The following DMXL2 variants were observed in gnomAD, a reference collection of about 807,000 sequenced individuals.
DMXL2 encodes Dmx like 2.
A neutral mutation model predicts 331.1 loss-of-function variants in DMXL2; 103 were observed. That is an observed-to-expected ratio of 0.31 (90% confidence interval 0.27 to 0.37). The LOEUF (loss-of-function observed/expected upper bound fraction) is 0.37, where lower values mean the gene tolerates loss of function less well. DMXL2 is among the 10% of genes least tolerant of loss of function. The pLI is 1.00. For missense variants in DMXL2, 3,171 were observed against 3,642.9 expected (o/e 0.87, Z 3.33); for synonymous variants, 1,281 against 1,252.1 (o/e 1.02, Z -0.49).
intron 1 of DMXL2, among the ~76,000 whole-genome samples, chr15:51,583,431 C>T (rs1364475104): frequency 5.1e-5 from 3 of 59,022 alleles, no homozygotes; most frequent in Admixed American, 4.2e-4. Context: ...CCAATTTCAT[C>T]CATGTCCCTA....
chr15:51,486,440 T>A, intron 22 of DMXL2, 103 bp from the exon 23 acceptor site: 1 of 911,742 alleles, frequency 1.1e-6, no homozygotes, highest in South Asian at 1.8e-5. Flanking sequence ...TATATCCTAA[T>A]GGTGGGCGAA....
chr15:51,537,863 C>A, intron 10 of DMXL2, 104 bp from the exon 11 acceptor site: 1 of 1,269,210 alleles, frequency 7.9e-7, no homozygotes, highest in Non-Finnish European at 1.0e-6. Flanking sequence ...ATCTCTTTTC[C>A]AATTTACAGT....
intron 33 of DMXL2, among the ~76,000 whole-genome samples, chr15:51,461,548 A>G (rs1172278901): frequency 5.9e-5 from 9 of 152,144 alleles, no homozygotes; most frequent in Admixed American, 5.9e-4. Flanking sequence ...CCCCTAATTG[A>G]CCAGAAATCT....
intron 1 of DMXL2, among the ~76,000 whole-genome samples, chr15:51,597,455 G>A (rs964799629): frequency 2.6e-5 from 4 of 152,084 alleles, no homozygotes; most frequent in African/African-American, 9.7e-5. Flanking sequence ...CTCTTTCTCT[G>A]AACATTAGGT....
chr15:51,572,453 G>C (rs1242971482), intron 2 of DMXL2, among the ~76,000 whole-genome samples: 1 of 152,116 alleles, frequency 6.6e-6, no homozygotes, highest in Non-Finnish European at 1.5e-5. Flanking sequence ...GCATCATCCT[G>C]ATACCAAAGC....
intron 6 of DMXL2, among the ~76,000 whole-genome samples, 183 bp downstream of exon 6, chr15:51,563,198 G>A (rs558750612): frequency 1.3e-5 from 2 of 152,224 alleles, no homozygotes; most frequent in South Asian, 2.1e-4. Context: ...TATTTCCCAA[G>A]CGCCTACAAC....
At chr15:51,482,116 C>T (rs1207957162) in intron 23 of DMXL2, among the ~76,000 whole-genome samples, 1 of 152,004 alleles carries the variant, frequency 6.6e-6, no homozygotes, top group African/African-American at 2.4e-5. Flanking sequence ...TAAAATAAAA[C>T]CAAATCTAAA....
In DMXL2 at chr15:51,498,914, G is replaced by T; in HGVS notation, c.4310C>A (p.Ala1437Glu). Residue 1437 changes from alanine (A) to glutamate (E), a missense_variant, in exon 18 of 44, where the codon GCA becomes GAA. Physicochemically the swap from Ala to Glu is moderately radical, Grantham distance 107. This residue lies in a region of DMXL2 where 1,674 missense variants were observed against 1,780.2 expected (regional missense o/e 0.94). Coordinates refer to ENST00000560891, the MANE Select transcript of DMXL2 (RefSeq NM_001378457.1). ...AATTCTGTAGGATGTATCTTGATCT[G>T]CAGCAAGTAATGCATATAGTGGTAG... ...PPLPLYALLA[A>E]DQDTSYRISE... The T allele has an allele frequency of 6.2e-7, 1 of 1,614,070 alleles. No individual in the cohort carries two copies. The highest frequency in any genetic ancestry group is 1.1e-5 in the South Asian group (1 of 91,080).
At chr15:51,450,420 T>A in intron 42 of DMXL2, 74 bp from the exon 43 acceptor site, 1 of 1,378,784 alleles carries the variant, frequency 7.3e-7, no homozygotes, top group South Asian at 1.2e-5. Flanking sequence ...TACATCCACA[T>A]TTAAATACAG....
chr15:51,455,525 A>G (rs1366252548), intron 39 of DMXL2, among the ~76,000 whole-genome samples: 1 of 152,150 alleles, frequency 6.6e-6, no homozygotes, highest in Non-Finnish European at 1.5e-5. Context: ...CAACCTTCTG[A>G]GTAGCTAGGA....
chr15:51,559,206 T>G (rs2049795267), intron 6 of DMXL2, among the ~76,000 whole-genome samples: 1 of 152,170 alleles, frequency 6.6e-6, no homozygotes, highest in South Asian at 2.1e-4. Flanking sequence ...AATGAGCAAC[T>G]AATGGAGTGG....
At chr15:51,493,732 T>C (rs935833633) in intron 19 of DMXL2, among the ~76,000 whole-genome samples, 11 of 152,200 alleles carry the variant, frequency 7.2e-5, no homozygotes, top group African/African-American at 2.4e-4. Context: ...CTAGGAAATG[T>C]ACAAAATTGT....
At chr15:51,472,526 T>C (rs1285888523) in intron 28 of DMXL2, among the ~76,000 whole-genome samples, 2 of 152,138 alleles carry the variant, frequency 1.3e-5, no homozygotes, top group African/African-American at 4.8e-5. Flanking sequence ...AGTCACTCCT[T>C]ATTTCTCCCT....
intron 15 of DMXL2, among the ~76,000 whole-genome samples, chr15:51,512,682 G>C (rs2046825505): frequency 6.6e-6 from 1 of 152,128 alleles, no homozygotes; most frequent in African/African-American, 2.4e-5. Context: ...TGGGCTTACA[G>C]CCGAGTAGCT....
chr15:51,573,077 C>T (rs2050779392), intron 2 of DMXL2, among the ~76,000 whole-genome samples: 1 of 152,026 alleles, frequency 6.6e-6, no homozygotes, highest in Non-Finnish European at 1.5e-5. Context: ...TGATAAGCAA[C>T]AAACATATGA....
Position 51,537,723 on chromosome 15 carries a change from C to A in DMXL2, c.1382G>T (p.Gly461Val), listed in dbSNP as rs912505859. 1.2e-6 allele frequency: 2 copies of A among 1,613,474 alleles called. No homozygotes were observed. The highest frequency in any genetic ancestry group is 2.7e-5 in the African/African-American group (2 of 74,916). ...TTCTCCATCTTCATGTTCTGATGAT[C>A]CTGTACCTGCCTCAGATTCTCTATC... ...SLDRESEAGT[G>V]SSEHEDGERE... is the part of the protein sequence containing the mutation. Residue 461 changes from glycine to valine, a missense_variant, in exon 11 of 44, where the codon GGA becomes GTA. Physicochemically the swap from Gly to Val is moderately radical, Grantham distance 109. This residue lies in a region of DMXL2 where 1,674 missense variants were observed against 1,780.2 expected (regional missense o/e 0.94). Transcript: ENST00000560891.
chr15:51,474,389 C>T lies in DMXL2; in HGVS notation c.7168G>A (p.Val2390Ile). Residue 2390 changes from valine to isoleucine, a missense_variant, in exon 28 of 44, where the codon GTA becomes ATA. Val to Ile is a conservative substitution (Grantham distance 29). Coordinates refer to ENST00000560891, the MANE Select transcript of DMXL2 (RefSeq NM_001378457.1). ...CTTCGAGGTTTCACAACAAGTTTTA[C>T]ACCGCCTCCAAAAACAGCAGCCCAC... ...RMWAAVFGGG[V>I]KLVVKPRRQS... is the part of the protein sequence containing the mutation. 2 of 1,613,650 alleles carry T rather than the reference C, an allele frequency of 1.2e-6. No homozygotes were observed. The highest frequency in any genetic ancestry group is 8.5e-7 in the Non-Finnish European group (1 of 1,179,602).
At chr15:51,450,677 CAGCCAAGTG>C in intron 42 of DMXL2, 1 of 339,032 alleles carries the variant, frequency 2.9e-6, no homozygotes, top group South Asian at 2.7e-5. Context: ...AGTATTAACC[CAGCCAAGTG>C]CTGTACCGTA....
intron 2 of DMXL2, 118 bp downstream of exon 2, chr15:51,575,938 A>T: frequency 9.6e-7 from 1 of 1,037,028 alleles, no homozygotes; most frequent in Non-Finnish European, 1.4e-6. Context: ...TTCTGCTAAT[A>T]ATCACCCAAG....
Sources: gnomAD v4.1 joint callset for allele counts (sites outside exome capture counted in the v4.1 genomes callset) on GRCh38, gnomAD v4.1.1 for gene constraint, gnomAD v4.1.1 regional missense constraint, MANE v1.5 for transcripts, NCBI Gene and HGNC (gene_info 2026-07-23, HGNC 2026-07-21) for gene names.